The following SLC5A10 variants were observed in gnomAD, a reference collection of about 807,000 sequenced individuals.
The protein encoded by SLC5A10 is sodium/mannose cotransporter SLC5A10.
SLC5A10 carries 55 observed loss-of-function variants against 68.9 expected under a neutral mutation model. The observed-to-expected ratio is 0.80, with a 90% CI of 0.64 to 1.00. The LOEUF is 1.00. Ranked by LOEUF, SLC5A10 falls within the 50% of genes least tolerant of loss-of-function variation. SLC5A10 has a pLI of 0.00. For missense variants in SLC5A10, 732 were observed against 819.3 expected, an observed-to-expected ratio of 0.89 and a Z score of 1.30; for synonymous variants, 344 against 344.8, an observed-to-expected ratio of 1.00 and a Z score of 0.02.
At chr17:18,967,052 G>A (rs1369256720) in intron 5 of SLC5A10, among the ~76,000 whole-genome samples, 1 of 152,196 alleles carries the variant, frequency 6.6e-6, no homozygotes, top group Non-Finnish European at 1.5e-5. Context: ...TGTGGCTCTT[G>A]GCATCTGTCA....
At chr17:18,980,946 C>T (rs868102446) in intron 9 of SLC5A10, among the ~76,000 whole-genome samples, 2 of 152,162 alleles carry the variant, frequency 1.3e-5, no homozygotes, top group Admixed American at 6.5e-5. Context: ...GGCTCTGTGC[C>T]GGCTTCTGGC....
Position 18,971,802 on chromosome 17 carries a change from C to T in SLC5A10, c.846+584C>T. The T allele has an allele frequency of 1.3e-6, 2 of 1,511,336 alleles. No homozygotes were observed. The highest frequency in any genetic ancestry group is 8.8e-7 in the Non-Finnish European group (1 of 1,130,010). 93.6% of individuals were successfully genotyped at this position (1,511,336 alleles called of 1,614,324 possible). On this transcript the variant is annotated intron_variant, in intron 8 of 14. Transcript: ENST00000395645. The surrounding 1 kb of genome is among the most constrained non-coding windows in gnomAD (Gnocchi z 5.5). ...TGAGCAAGAAGGGCCAACCCCGCCCCAGCACAGGACCCTGCTCAGGCACAC... is the reference window on the plus strand; with the variant it reads ...TGAGCAAGAAGGGCCAACCCCGCCCTAGCACAGGACCCTGCTCAGGCACAC...
At chr17:19,015,515 A>G (rs1175811076) in intron 11 of SLC5A10, among the ~76,000 whole-genome samples, 1 of 152,052 alleles carries the variant, frequency 6.6e-6, no homozygotes, top group Non-Finnish European at 1.5e-5. Context: ...ATTCCTCCTG[A>G]TGGTTCCCAG....
At chr17:19,002,113 C>T (rs910637782) in intron 9 of SLC5A10, among the ~76,000 whole-genome samples, 1 of 148,694 alleles carries the variant, frequency 6.7e-6, no homozygotes, top group Non-Finnish European at 1.5e-5. Flanking sequence ...GTCCCTTCCT[C>T]CTCCCCCTCC....
At chr17:18,977,968 C>T in intron 9 of SLC5A10, 1 of 1,591,744 alleles carries the variant, frequency 6.3e-7, no homozygotes, top group Non-Finnish European at 8.6e-7. Context: ...CCCCGAGGCT[C>T]TCGGGGTCAT....
chr17:18,951,315 C>G (rs1216805095), upstream of SLC5A10, among the ~76,000 whole-genome samples: 1 of 152,230 alleles, frequency 6.6e-6, no homozygotes, highest in Non-Finnish European at 1.5e-5. Flanking sequence ...GGGGCCACAT[C>G]TGCACTGAAT....
intron 5 of SLC5A10, among the ~76,000 whole-genome samples, chr17:18,963,423 C>A (rs557191221): frequency 1.3e-5 from 2 of 152,336 alleles, no homozygotes; most frequent in East Asian, 3.9e-4. Flanking sequence ...TTCAGTTTAC[C>A]CAACTATAAA....
At chr17:19,005,336 A>C (rs1341801386) in intron 9 of SLC5A10, among the ~76,000 whole-genome samples, 3 of 152,194 alleles carry the variant, frequency 2.0e-5, no homozygotes, top group African/African-American at 7.2e-5. Context: ...GGGAGGGGCC[A>C]AGAGGGCCGC....
chr17:18,980,179 G>A (rs115240314), intron 9 of SLC5A10, among the ~76,000 whole-genome samples: 1,665 of 152,230 alleles, frequency 0.011, 27 homozygotes, highest in African/African-American at 0.037. Context: ...TCCAGGGTGC[G>A]TGGCCCTACC....
chr17:18,978,078 G>A (rs1357221865), intron 9 of SLC5A10: 1 of 1,516,328 alleles, frequency 6.6e-7, no homozygotes. Flanking sequence ...TCCTCTTTGG[G>A]GAGCTCCAGG....
In SLC5A10 at chr17:19,017,428, G is replaced by A. The variant is rs1196655081; in HGVS notation, c.1242-1995G>A. 27 of 1,539,610 alleles carry A rather than the reference G, an allele frequency of 1.8e-5. No homozygotes were observed. Among genetic ancestry groups the A allele is most frequent in the Non-Finnish European group, 2.3e-5 (26 of 1,136,128 alleles). On this transcript the variant is annotated intron_variant, in intron 11 of 14. Transcript: ENST00000395645. This position sits in a 1 kb window ranked among gnomAD's most constrained non-coding sequence, Gnocchi z 5.6. Reference sequence around the variant, plus strand: ...AATGGCCTGACAACAGTCTCTGTCAGGGAGAGGCGAGGCTTACAGAGAGAA... The same window carrying A: ...AATGGCCTGACAACAGTCTCTGTCAAGGAGAGGCGAGGCTTACAGAGAGAA...
intron 5 of SLC5A10, among the ~76,000 whole-genome samples, chr17:18,967,746 A>C (rs1282859803): frequency 6.6e-6 from 1 of 152,148 alleles, no homozygotes; most frequent in Non-Finnish European, 1.5e-5. Flanking sequence ...GACTTTGGGG[A>C]AGTCCTTTCC....
At position 19,003,042 on chromosome 17, in the gene SLC5A10, G is replaced by A. The variant is rs987879348; in HGVS notation, c.983-10368G>A. On this transcript the variant is annotated intron_variant, in intron 9 of 14. Coordinates refer to ENST00000395645, the MANE Select transcript of SLC5A10 (RefSeq NM_001042450.4). This position sits in a 1 kb window ranked among gnomAD's most constrained non-coding sequence, Gnocchi z 4.5. ...GCTCAGCACAGCTAGGAAACAGGCAGTGTTGAACAAGGACCTCCAGGCCAG... is the reference window on the plus strand; with the variant it reads ...GCTCAGCACAGCTAGGAAACAGGCAATGTTGAACAAGGACCTCCAGGCCAG... 2.0e-5 allele frequency among the ~76,000 whole-genome samples: 3 copies of A among 152,128 alleles called. No homozygotes were observed. Among genetic ancestry groups the A allele is most frequent in the African/African-American group, 7.2e-5 (3 of 41,430 alleles).
At chr17:18,993,110 T>G (rs1444653270) in intron 9 of SLC5A10, among the ~76,000 whole-genome samples, 5 of 152,188 alleles carry the variant, frequency 3.3e-5, no homozygotes, top group Non-Finnish European at 7.4e-5. Flanking sequence ...AAACCACGGG[T>G]GCACAGGCCC....
chr17:19,016,733 C>T (rs929650303), intron 11 of SLC5A10, among the ~76,000 whole-genome samples: 3 of 152,216 alleles, frequency 2.0e-5, no homozygotes, highest in Non-Finnish European at 4.4e-5. Flanking sequence ...GTCCTGGGCA[C>T]TTGGCCCCTT....
intron 5 of SLC5A10, among the ~76,000 whole-genome samples, chr17:18,965,173 G>A (rs137876395): frequency 0.016 from 2,415 of 152,216 alleles, 35 homozygotes; most frequent in Admixed American, 0.03. Flanking sequence ...GGGCTTGCAA[G>A]GGGATCGGGC....
In SLC5A10 at chr17:18,971,657, T is replaced by G. The variant is rs780041805; in HGVS notation, c.846+439T>G. 1 of 1,613,290 alleles carries G rather than the reference T, an allele frequency of 6.2e-7. No homozygotes were observed. The highest frequency in any genetic ancestry group is 2.2e-5 in the East Asian group (1 of 44,860). On this transcript the variant is annotated intron_variant, in intron 8 of 14. Coordinates refer to ENST00000395645, the MANE Select transcript of SLC5A10 (RefSeq NM_001042450.4). The surrounding 1 kb of genome is among the most constrained non-coding windows in gnomAD (Gnocchi z 5.5). Reference sequence around the variant, plus strand: ...GTTTCTGGTAGAGCTCTGGACGCTGTCAGCAGCAGAGCGGTACCTAGGGGG... The same window carrying G: ...GTTTCTGGTAGAGCTCTGGACGCTGGCAGCAGCAGAGCGGTACCTAGGGGG...
At chr17:19,007,154 A>T (rs1031775097) in intron 9 of SLC5A10, among the ~76,000 whole-genome samples, 1 of 151,026 alleles carries the variant, frequency 6.6e-6, no homozygotes, top group Non-Finnish European at 1.5e-5. Flanking sequence ...TGAGTGATCC[A>T]GTTTCTCCAC....
At chr17:18,981,008 T>TC (rs1052889981) in intron 9 of SLC5A10, among the ~76,000 whole-genome samples, 61 of 152,244 alleles carry the variant, frequency 4.0e-4, no homozygotes, top group African/African-American at 1.5e-3. Flanking sequence ...TACTGGTCTG[T>TC]CCCCTCACCC....
Sources: allele counts gnomAD v4.1 joint callset (sites outside exome capture counted in the v4.1 genomes callset), GRCh38; gene constraint gnomAD v4.1.1; non-coding constraint Gnocchi (gnomAD v3.1); transcripts MANE v1.5; gene names NCBI Gene and HGNC (gene_info 2026-07-23, HGNC 2026-07-21).